ADAMTS12: variants seen among roughly 807,000 people sequenced by gnomAD.
ADAMTS12 encodes the protein ADAM metallopeptidase with thrombospondin type 1 motif 12.
In ADAMTS12, 118 loss-of-function variants were observed where a neutral mutation model predicts 167.8. That is an observed-to-expected ratio of 0.70 (90% CI 0.61 to 0.82). The LOEUF is 0.82. ADAMTS12 is among the 40% of genes least tolerant of loss of function. The probability of loss-of-function intolerance (pLI) is 0.00; values close to 1 mark genes in which losing one functional copy is unlikely to be tolerated. For synonymous variants in ADAMTS12, 704 were observed against 716.9 expected (o/e 0.98, Z 0.29); for missense variants, 1,916 against 1,998.8 (o/e 0.96, Z 0.79).
intron 1 of ADAMTS12, among the ~76,000 whole-genome samples, chr5:33,889,164 G>T (rs1750753966): frequency 6.6e-6 from 1 of 152,094 alleles, no homozygotes; most frequent in South Asian, 2.1e-4. Flanking sequence ...AAGTAAAAAT[G>T]GGGGCGAGGC....
chr5:33,690,517 A>C (rs2112275934), intron 3 of ADAMTS12, among the ~76,000 whole-genome samples: 1 of 152,112 alleles, frequency 6.6e-6, no homozygotes, highest in Non-Finnish European at 1.5e-5. Context: ...CCTGCCTGAC[A>C]CTGCACTCAC....
intron 3 of ADAMTS12, among the ~76,000 whole-genome samples, chr5:33,695,874 T>A (rs1390209802): frequency 6.6e-6 from 1 of 152,196 alleles, no homozygotes; most frequent in African/African-American, 2.4e-5. Context: ...TTGTTATGTA[T>A]ATGTTACCAA....
At chr5:33,790,555 CAAAAA>C (rs35691545) in intron 2 of ADAMTS12, among the ~76,000 whole-genome samples, 1 of 104,830 alleles carries the variant, frequency 9.5e-6, no homozygotes. Flanking sequence ...GACTCCATCT[CAAAAA>C]AAAAAAAAAA....
intron 2 of ADAMTS12, among the ~76,000 whole-genome samples, chr5:33,772,252 C>T (rs530213876): frequency 1.5e-4 from 23 of 152,246 alleles, no homozygotes; most frequent in East Asian, 5.8e-4. Context: ...GTAATTCGTC[C>T]AGACCAGAGA....
intron 5 of ADAMTS12, among the ~76,000 whole-genome samples, chr5:33,671,034 C>T (rs544557798): frequency 8.6e-6 from 1 of 116,866 alleles, no homozygotes; most frequent in South Asian, 3.5e-4. Flanking sequence ...GGGAATTATG[C>T]TGAATGAAAA....
At chr5:33,751,666 A>G in intron 2 of ADAMTS12, 118 bp from the exon 3 acceptor site, 1 of 939,888 alleles carries the variant, frequency 1.1e-6, no homozygotes, top group Admixed American at 2.6e-5. Flanking sequence ...CAGTGCTTTC[A>G]GAGTCTGCTG....
intron 2 of ADAMTS12, among the ~76,000 whole-genome samples, chr5:33,846,473 C>A (rs1425028528): frequency 6.6e-6 from 1 of 152,190 alleles, no homozygotes; most frequent in East Asian, 1.9e-4. Flanking sequence ...TTCCTTTTTA[C>A]TCATTTTTCT....
chr5:33,543,875 G>A (rs1744828687), intron 22 of ADAMTS12, among the ~76,000 whole-genome samples: 1 of 152,048 alleles, frequency 6.6e-6, no homozygotes, highest in Non-Finnish European at 1.5e-5. Flanking sequence ...AATAATAAGA[G>A]CTATTTATGA....
chr5:33,609,621 C>A (rs1334015034), intron 16 of ADAMTS12, among the ~76,000 whole-genome samples: 2 of 151,954 alleles, frequency 1.3e-5, no homozygotes, highest in African/African-American at 2.4e-5. Flanking sequence ...TGACTTCCTG[C>A]CTCACAAAGT....
intron 7 of ADAMTS12, among the ~76,000 whole-genome samples, chr5:33,655,420 G>A (rs763511891): frequency 2.0e-5 from 3 of 152,172 alleles, no homozygotes; most frequent in Non-Finnish European, 4.4e-5. Context: ...ACTCTGAAAC[G>A]TGTGTTGTAT....
In ADAMTS12 at chr5:33,576,592, T is replaced by A; in HGVS notation, c.3434A>T (p.Asn1145Ile). The change falls in exon 19 of 24, where the codon AAT becomes ATT. Residue 1145 changes from asparagine to isoleucine, a missense_variant. Asn to Ile is a moderately radical substitution (Grantham distance 149, BLOSUM62 -3). Coordinates refer to ENST00000504830, the MANE Select transcript of ADAMTS12 (RefSeq NM_030955.4). ...CATTTCTGGACCTTTGGTCAAGGTA[T>A]TGTAAAATGGAGTCACAGGCCAAGT... ...PITWPVTPFY[N>I]TLTKGPEMEI... 1 of 1,614,200 alleles carries A rather than the reference T, an allele frequency of 6.2e-7. No homozygotes were observed. Among genetic ancestry groups the A allele is most frequent in the Non-Finnish European group, 8.5e-7 (1 of 1,180,028 alleles).
intron 22 of ADAMTS12, among the ~76,000 whole-genome samples, chr5:33,538,928 C>A (rs1372207803): frequency 1.3e-5 from 2 of 152,022 alleles, no homozygotes; most frequent in African/African-American, 2.4e-5. Flanking sequence ...CAGAATCTGT[C>A]CATGGGAGAA....
intron 18 of ADAMTS12, among the ~76,000 whole-genome samples, chr5:33,586,696 A>G (rs773734509): frequency 5.3e-5 from 8 of 152,214 alleles, no homozygotes; most frequent in Non-Finnish European, 7.3e-5. Flanking sequence ...TGCGGCCAAC[A>G]CATTTTTGGT....
chr5:33,607,490 A>T (rs1299017072), intron 16 of ADAMTS12, among the ~76,000 whole-genome samples: 1 of 152,194 alleles, frequency 6.6e-6, no homozygotes, highest in Admixed American at 6.6e-5. Flanking sequence ...TTGGCTATTC[A>T]GGCTCTTTTT....
In ADAMTS12 at chr5:33,527,354, G is replaced by A. The variant is rs760776629; in HGVS notation, c.4619C>T (p.Thr1540Ile). The A allele has an allele frequency of 2.5e-6, 4 of 1,613,944 alleles. No homozygotes were observed. The highest frequency in any genetic ancestry group is 3.4e-6 in the Non-Finnish European group (4 of 1,179,930). The change falls in exon 24 of 24, where the codon ACT (threonine) becomes ATT (isoleucine). Residue 1540 changes from threonine to isoleucine, a missense_variant. Thr to Ile is a moderately conservative substitution (Grantham distance 89). Coordinates refer to ENST00000504830, the MANE Select transcript of ADAMTS12 (RefSeq NM_030955.4). Reference protein sequence around the residue: ...ACKKSADLLCTKDKLSASFCQ... With the variant: ...ACKKSADLLCIKDKLSASFCQ... ...GAAACTGGCTGACAGTTTGTCCTTA[G>A]TGCAAAGTAAATCTGTGGAAGGAGA...
At chr5:33,652,093 T>C (rs1740885988) in intron 7 of ADAMTS12, among the ~76,000 whole-genome samples, 1 of 152,154 alleles carries the variant, frequency 6.6e-6, no homozygotes, top group African/African-American at 2.4e-5. Flanking sequence ...AACATACGAG[T>C]GCAGGTATCT....
At position 33,643,433 on chromosome 5, in the gene ADAMTS12, A is replaced by G. The variant is rs775663330; in HGVS notation, c.1517T>C (p.Phe506Ser). ...AGCAGCGTCCAGCTTAGAGCGACAA[A>G]AGCCCTTCACGGAGCACCACAGTGT... is the stretch of plus-strand genomic sequence containing the variant. ...CQTLWCSVKGFCRSKLDAAAD... is the reference protein window; with the variant it reads ...CQTLWCSVKGSCRSKLDAAAD... Residue 506 changes from phenylalanine to serine, a missense_variant, in exon 10 of 24, where the codon TTT becomes TCT. Transcript: ENST00000504830. 1 of 1,614,150 alleles carries G rather than the reference A, an allele frequency of 6.2e-7. No individual in the cohort carries two copies. The highest frequency in any genetic ancestry group is 8.5e-7 in the Non-Finnish European group (1 of 1,179,984).
chr5:33,541,132 G>A (rs1280832287), intron 22 of ADAMTS12, among the ~76,000 whole-genome samples: 1 of 152,192 alleles, frequency 6.6e-6, no homozygotes. Context: ...GTGTAGAGAA[G>A]ACCTTAAATG....
chr5:33,823,369 C>T (rs1747934299), intron 2 of ADAMTS12, among the ~76,000 whole-genome samples: 1 of 152,178 alleles, frequency 6.6e-6, no homozygotes, highest in African/African-American at 2.4e-5. Flanking sequence ...TGCCTTCTCC[C>T]GTCTTTGTCA....
Sources: allele counts gnomAD v4.1 joint callset (sites outside exome capture counted in the v4.1 genomes callset), GRCh38; gene constraint gnomAD v4.1.1; transcripts MANE v1.5; gene names NCBI Gene and HGNC (gene_info 2026-07-23, HGNC 2026-07-21).